The following PWWP3B variants were observed in gnomAD, a reference collection of about 807,000 sequenced individuals.
PWWP3B encodes the protein PWWP domain-containing DNA repair factor 3B.
In PWWP3B, 5 loss-of-function variants were observed where a neutral mutation model predicts 15.7. That is an observed-to-expected ratio of 0.32 (90% CI 0.17 to 0.67). The LOEUF is 0.67. Among genes scored for constraint, PWWP3B ranks in the 30% least tolerant of loss-of-function variants. The probability of loss-of-function intolerance (pLI) is 0.74; values close to 1 mark genes in which losing one functional copy is unlikely to be tolerated. For missense variants in PWWP3B, 519 were observed against 493.1 expected (o/e 1.05, Z -0.50); for synonymous variants, 203 against 179.8 (o/e 1.13, Z -1.03).
chrX:106,200,660 A>G (rs766583991), intron 2 of PWWP3B, among the ~76,000 whole-genome samples: 1 of 111,925 alleles, frequency 8.9e-6, no homozygotes, highest in Non-Finnish European at 1.9e-5. Flanking sequence ...CAGAATGTAC[A>G]AAGTATATTT....
intron 2 of PWWP3B, among the ~76,000 whole-genome samples, chrX:106,178,839 C>T (rs1457989194): frequency 8.9e-6 from 1 of 112,261 alleles, no homozygotes; most frequent in Non-Finnish European, 1.9e-5. Flanking sequence ...ATATCTTTCT[C>T]ATATTTTCAA....
At chrX:106,169,245 G>A (rs760075998) in intron 1 of PWWP3B, among the ~76,000 whole-genome samples, 14 of 111,124 alleles carry the variant, frequency 1.3e-4, no homozygotes, top group Non-Finnish European at 2.5e-4. Flanking sequence ...CCAAAATAGC[G>A]TAAACTCATA....
At chrX:106,182,770 T>A (rs1186828569) in intron 2 of PWWP3B, among the ~76,000 whole-genome samples, 1 of 110,998 alleles carries the variant, frequency 9.0e-6, no homozygotes, top group African/African-American at 3.3e-5. Flanking sequence ...AGGGAGTATG[T>A]TTGCCATTAC....
intron 2 of PWWP3B, among the ~76,000 whole-genome samples, chrX:106,200,980 G>A (rs1388101014): frequency 9.2e-6 from 1 of 109,248 alleles, no homozygotes; most frequent in Non-Finnish European, 1.9e-5. Context: ...CCCGGGAGGC[G>A]GAGCTTGCAG....
intron 1 of PWWP3B, among the ~76,000 whole-genome samples, chrX:106,169,634 T>C (rs547932638): frequency 1.8e-5 from 2 of 111,677 alleles, no homozygotes; most frequent in South Asian, 7.4e-4. Context: ...CAGACTCTGG[T>C]TCAAGCAGAA....
At position 106,205,811 on chromosome X, in the gene PWWP3B, G is replaced by A. The variant is rs1923966902; in HGVS notation, c.379G>A (p.Asp127Asn). Residue 127 changes from aspartate (D) to asparagine (N), a missense_variant, in exon 4 of 4, where the codon GAT becomes AAT. Asp to Asn is a conservative substitution (Grantham distance 23, BLOSUM62 1). Coordinates refer to ENST00000357175, the MANE Select transcript of PWWP3B (RefSeq NM_001171020.2). ...TCAAAATGTACCACAAAAACAGTCC[G>A]ATTCACCCCCTCATAAAAAATACCG... ...LSQNVPQKQS[D>N]SPPHKKYRKD... The A allele has an allele frequency of 9.1e-6, 11 of 1,211,097 alleles. No individual in the cohort carries two copies. The highest frequency in any genetic ancestry group is 7.0e-5 in the South Asian group (4 of 56,891).
At chrX:106,192,177 T>G (rs1602852299) in intron 2 of PWWP3B, among the ~76,000 whole-genome samples, 1 of 111,556 alleles carries the variant, frequency 9.0e-6, no homozygotes, top group African/African-American at 3.3e-5. Flanking sequence ...GTCCTGGACT[T>G]TTTTTGGTTG....
chrX:106,171,586 T>C (rs1457457518), intron 2 of PWWP3B, among the ~76,000 whole-genome samples: 3 of 111,568 alleles, frequency 2.7e-5, no homozygotes, highest in Non-Finnish European at 5.7e-5. Flanking sequence ...TGGGGACATA[T>C]TCTGAGAAAT....
At chrX:106,202,555 G>A (rs190965783) in intron 2 of PWWP3B, among the ~76,000 whole-genome samples, 27 of 111,666 alleles carry the variant, frequency 2.4e-4, no homozygotes, top group Admixed American at 2.3e-3. Context: ...CATAGTTGCC[G>A]TGTCAACTAC....
rs776591391 is a variant in PWWP3B, at chrX:106,206,220, T to C, written c.788T>C (p.Leu263Pro). Residue 263 changes from leucine to proline, a missense_variant, in exon 4 of 4, where the codon CTA becomes CCA. By Grantham distance (98) the Leu-to-Pro change is moderately conservative. Coordinates refer to ENST00000357175, the MANE Select transcript of PWWP3B (RefSeq NM_001171020.2). ...AAAGAAGAGAGCGAGGATACCTGCC[T>C]AGAGACCCTGGCTGTTCCCTCTGAA... ...ALKEESEDTC[L>P]ETLAVPSECS... is the part of the protein sequence containing the mutation. 17 of 1,204,503 alleles carry C rather than the reference T, an allele frequency of 1.4e-5. No individual in the cohort carries two copies. The highest frequency in any genetic ancestry group is 3.4e-6 in the Non-Finnish European group (3 of 892,224).
chrX:106,185,337 G>A (rs907546017), intron 2 of PWWP3B, among the ~76,000 whole-genome samples: 1 of 111,203 alleles, frequency 9.0e-6, no homozygotes, highest in Admixed American at 9.6e-5. Context: ...ATGGTTTTGG[G>A]TTGTTTGTTC....
rs1421176935 is a variant in PWWP3B at position 106,207,171 on chromosome X, C to G, written c.1739C>G (p.Ser580Cys). ...LLAIVNGTKG[S>C]RWLKSFLNAN... is the part of the protein sequence containing the mutation. ...GCCATTGTAAATGGCACAAAAGGAT[C>G]CAGATGGCTGAAATCATTTTTGAAT... Residue 580 changes from serine to cysteine, a missense_variant, in exon 4 of 4, where the codon TCC (serine) becomes TGC (cysteine). Ser to Cys is a moderately radical substitution (Grantham distance 112). Coordinates refer to ENST00000357175, the MANE Select transcript of PWWP3B (RefSeq NM_001171020.2). 1.7e-6 allele frequency: 2 copies of G among 1,204,989 alleles called. No homozygotes were observed. The highest frequency in any genetic ancestry group is 2.2e-6 in the Non-Finnish European group (2 of 892,347).
Position 106,206,031 on chromosome X carries a change from C to T in PWWP3B, c.599C>T (p.Ser200Leu), listed in dbSNP as rs750420243. Residue 200 changes from serine to leucine, a missense_variant, in exon 4 of 4, where the codon TCG (serine) becomes TTG (leucine). Coordinates refer to ENST00000357175, the MANE Select transcript of PWWP3B (RefSeq NM_001171020.2). ...SSWCETFPSLSEDNDEKENKN... is the reference protein window; with the variant it reads ...SSWCETFPSLLEDNDEKENKN... ...TGGTGCGAGACTTTCCCTTCACTTT[C>T]GGAAGATAATGATGAAAAAGAGAAC... is the stretch of plus-strand genomic sequence containing the variant. 6.5e-5 allele frequency: 78 copies of T among 1,207,308 alleles called. No individual in the cohort carries two copies. Among genetic ancestry groups the T allele is most frequent in the South Asian group, 5.3e-5 (3 of 56,251 alleles).
At position 106,205,583 on chromosome X, in the gene PWWP3B, G is replaced by T. The variant is rs1350415792; in HGVS notation, c.151G>T (p.Asp51Tyr). ...CTCACTAGATGAAAAAATTAAATTG[G>T]ACAGCACAGAAACAAAGATCCTAAA... ...ILSLDEKIKL[D>Y]STETKILNKS... is the part of the protein sequence containing the mutation. Residue 51 changes from aspartate (D) to tyrosine (Y), a missense_variant, in exon 4 of 4, where the codon GAC becomes TAC. Physicochemically the swap from Asp to Tyr is radical, Grantham distance 160 (BLOSUM62 -3). Transcript: ENST00000357175. 1 of 1,208,429 alleles carries T rather than the reference G, an allele frequency of 8.3e-7. No individual in the cohort carries two copies. The highest frequency in any genetic ancestry group is 2.2e-5 in the Admixed American group (1 of 45,491).
chrX:106,191,819 T>C (rs1443651035), intron 2 of PWWP3B, among the ~76,000 whole-genome samples: 1 of 111,963 alleles, frequency 8.9e-6, no homozygotes, highest in Non-Finnish European at 1.9e-5. Context: ...TTGTCTTTGG[T>C]TCTGTTTATA....
At position 106,206,174 on chromosome X, in the gene PWWP3B, C is replaced by T; in HGVS notation, c.742C>T (p.Leu248Phe). 8.3e-7 allele frequency: 1 copy of T among 1,207,744 alleles called. No individual in the cohort carries two copies. Among genetic ancestry groups the T allele is most frequent in the East Asian group, 3.0e-5 (1 of 33,818 alleles). Reference protein sequence around the residue: ...PPLSPLSSDMLIMPKALKEES... With the variant: ...PPLSPLSSDMFIMPKALKEES... ...TTTGTCACCTTTGTCATCAGATATGCTCATTATGCCCAAAGCTTTGAAAGA... is the reference window on the plus strand; with the variant it reads ...TTTGTCACCTTTGTCATCAGATATGTTCATTATGCCCAAAGCTTTGAAAGA... The change falls in exon 4 of 4, where the codon CTC (leucine) becomes TTC (phenylalanine). Residue 248 changes from leucine to phenylalanine, a missense_variant. By Grantham distance (22) the Leu-to-Phe change is conservative. Coordinates refer to ENST00000357175, the MANE Select transcript of PWWP3B (RefSeq NM_001171020.2).
intron 2 of PWWP3B, among the ~76,000 whole-genome samples, chrX:106,190,258 T>G (rs1922836286): frequency 8.9e-6 from 1 of 112,287 alleles, no homozygotes; most frequent in African/African-American, 3.2e-5. Context: ...AGATGGTATC[T>G]CATTGTGGTT....
chrX:106,200,287 C>T (rs892564280), intron 2 of PWWP3B, among the ~76,000 whole-genome samples: 3 of 111,241 alleles, frequency 2.7e-5, no homozygotes, highest in Admixed American at 9.5e-5. Context: ...TATTTGGCCA[C>T]GTGATGCCTT....
At chrX:106,169,187 A>G (rs2147575194) in intron 1 of PWWP3B, among the ~76,000 whole-genome samples, 1 of 111,814 alleles carries the variant, frequency 8.9e-6, no homozygotes, top group African/African-American at 3.2e-5. Context: ...CTATGTCGGC[A>G]TAGAAACTGA....
Sources: allele counts gnomAD v4.1 joint callset (sites outside exome capture counted in the v4.1 genomes callset), GRCh38; gene constraint gnomAD v4.1.1; transcripts MANE v1.5; gene names NCBI Gene and HGNC (gene_info 2026-07-23, HGNC 2026-07-21).